The following ZMYND11 variants were observed in gnomAD, a reference collection of about 807,000 sequenced individuals.
ZMYND11 encodes the protein zinc finger MYND-type containing 11.
A neutral mutation model predicts 84.9 loss-of-function variants in ZMYND11; 9 were observed. That is an observed-to-expected ratio of 0.11 (90% confidence interval 0.06 to 0.18). The LOEUF is 0.18. Among genes scored for constraint, ZMYND11 ranks in the 10% least tolerant of loss-of-function variants. ZMYND11 has a pLI of 1.00. For missense variants in ZMYND11, 409 were observed against 761.0 expected (o/e 0.54, Z 5.44); for synonymous variants, 250 against 244.1 (o/e 1.02, Z -0.23).
chr10:225,691 A>T (rs1242149159), intron 4 of ZMYND11, among the ~76,000 whole-genome samples: 1 of 152,156 alleles, frequency 6.6e-6, no homozygotes. Context: ...TAGTTCCCAA[A>T]TTACAAAGTC....
At chr10:175,745 C>G (rs1554766795) in intron 1 of ZMYND11, among the ~76,000 whole-genome samples, 1 of 151,684 alleles carries the variant, frequency 6.6e-6, no homozygotes, top group Admixed American at 6.6e-5. Flanking sequence ...TATGGATAAA[C>G]CTAATATAAA....
intron 1 of ZMYND11, among the ~76,000 whole-genome samples, chr10:153,815 G>C (rs1554757834): frequency 6.6e-6 from 1 of 152,170 alleles, no homozygotes; most frequent in Non-Finnish European, 1.5e-5. Flanking sequence ...TGTAAAACAA[G>C]CCAGTTTCTT....
At chr10:224,301 C>A (rs1460693643) in intron 4 of ZMYND11, among the ~76,000 whole-genome samples, 1 of 152,120 alleles carries the variant, frequency 6.6e-6, no homozygotes, top group Non-Finnish European at 1.5e-5. Context: ...GCATTTTTCT[C>A]AAAAATAATT....
rs767951919 is a variant in ZMYND11, at chr10:236,879, A to G, written c.480A>G (p.Thr160=). The G allele has an allele frequency of 1.2e-5, 19 of 1,613,906 alleles. No homozygotes were observed. In the South Asian group the frequency reaches 1.9e-4, roughly 16 times the overall value. Residue 160 remains threonine (T), a synonymous_variant, in exon 5 of 15, where the codon ACA becomes ACG. Transcript: ENST00000381604. ...ATACAAACAAACAGGAGATGGGCAC[A>G]TACCTCAGATTCATTGTCTCCCGCA... ...KKNTNKQEMG[T]YLRFIVSRMK...
intron 14 of ZMYND11, among the ~76,000 whole-genome samples, chr10:250,490 G>T (rs943779679): frequency 1.3e-5 from 2 of 150,664 alleles, no homozygotes; most frequent in Non-Finnish European, 3.0e-5. Context: ...GCAAGACCCT[G>T]TCTCTTAAAA....
intron 14 of ZMYND11, chr10:249,578 C>G: frequency 1.0e-6 from 1 of 985,052 alleles, no homozygotes; most frequent in Non-Finnish European, 1.2e-6. Flanking sequence ...TCTCTAACTA[C>G]CCTCCCTCAT....
intron 1 of ZMYND11, among the ~76,000 whole-genome samples, chr10:146,666 T>C (rs1006272494): frequency 6.6e-6 from 1 of 152,228 alleles, no homozygotes; most frequent in African/African-American, 2.4e-5. Context: ...AGTTCTTGAT[T>C]TGATTTCTTA....
intron 10 of ZMYND11, among the ~76,000 whole-genome samples, chr10:244,826 G>A (rs1048231892): frequency 3.3e-5 from 5 of 152,180 alleles, no homozygotes; most frequent in African/African-American, 7.2e-5. Flanking sequence ...ATTATCTACA[G>A]TACTGGAGTT....
At position 219,136 on chromosome 10, in the gene ZMYND11, G is replaced by C. The variant is rs1946691564; in HGVS notation, c.277-2059G>C. 3.3e-5 allele frequency among the ~76,000 whole-genome samples: 5 copies of C among 152,066 alleles called. 1 individual carries two copies. In the South Asian group the frequency reaches 1.0e-3, roughly 32 times the overall value. On this transcript the variant is annotated intron_variant, in intron 3 of 14. Coordinates refer to ENST00000381604, the MANE Select transcript of ZMYND11 (RefSeq NM_001370100.5). ...TCTGTAATTGGTTATGAAAAACTAGGTCAAGAATTAAACACCCTATCAAAG... is the reference window on the plus strand; with the variant it reads ...TCTGTAATTGGTTATGAAAAACTAGCTCAAGAATTAAACACCCTATCAAAG...
At chr10:217,544 A>G (rs1946395662) in intron 3 of ZMYND11, among the ~76,000 whole-genome samples, 1 of 152,116 alleles carries the variant, frequency 6.6e-6, no homozygotes, top group Admixed American at 6.5e-5. Flanking sequence ...GTTGTGAAAT[A>G]CAGATGTGAT....
intron 9 of ZMYND11, among the ~76,000 whole-genome samples, chr10:241,535 C>G (rs1367228254): frequency 6.6e-6 from 1 of 152,220 alleles, no homozygotes; most frequent in Non-Finnish European, 1.5e-5. Context: ...CACAAGAGAC[C>G]TAAGGCTTTG....
chr10:244,267 G>T (rs1262589709), intron 10 of ZMYND11, among the ~76,000 whole-genome samples: 1 of 152,144 alleles, frequency 6.6e-6, no homozygotes, highest in Non-Finnish European at 1.5e-5. Flanking sequence ...AGGAGCCACT[G>T]GTTGCAAGTT....
intron 1 of ZMYND11, among the ~76,000 whole-genome samples, chr10:169,599 A>T (rs1053033356): frequency 6.6e-6 from 1 of 152,200 alleles, no homozygotes; most frequent in Non-Finnish European, 1.5e-5. Flanking sequence ...GGAAATTCTA[A>T]GAAGGAATCA....
intron 1 of ZMYND11, among the ~76,000 whole-genome samples, chr10:175,849 G>T (rs955267185): frequency 6.6e-6 from 1 of 152,102 alleles, no homozygotes; most frequent in Admixed American, 6.6e-5. Context: ...AATATTTGAT[G>T]CAAATATTTG....
chr10:142,228 G>A (rs1273264906), intron 1 of ZMYND11, among the ~76,000 whole-genome samples: 2 of 152,130 alleles, frequency 1.3e-5, no homozygotes, highest in East Asian at 3.9e-4. Flanking sequence ...AGCCTCCCCA[G>A]GAGCTAGAAC....
At chr10:190,656 C>T (rs1040722320) in intron 2 of ZMYND11, among the ~76,000 whole-genome samples, 13 of 152,204 alleles carry the variant, frequency 8.5e-5, no homozygotes, top group Non-Finnish European at 1.6e-4. Context: ...AAGCTCTTTA[C>T]AGTGAGACCC....
intron 6 of ZMYND11, among the ~76,000 whole-genome samples, chr10:239,003 G>A (rs1490275283): frequency 1.3e-5 from 2 of 152,128 alleles, no homozygotes; most frequent in Non-Finnish European, 2.9e-5. Flanking sequence ...TATCTTAGTA[G>A]TTATGGTAAA....
At chr10:197,880 C>A in intron 2 of ZMYND11, 1 of 561,602 alleles carries the variant, frequency 1.8e-6, no homozygotes, top group Non-Finnish European at 3.2e-6. Flanking sequence ...AGGAAAGTGA[C>A]TATCAAACTT....
In ZMYND11 at chr10:253,237, T is replaced by C. The variant is rs1953835639; in HGVS notation, c.*767T>C. 1.3e-5 allele frequency: 2 copies of C among 152,572 alleles called. No homozygotes were observed. Among genetic ancestry groups the C allele is most frequent in the African/African-American group, 4.8e-5 (2 of 41,440 alleles). The allele number at this position is 152,572 out of a possible 1,614,324, so 9.5% of individuals were successfully genotyped here. On this transcript the variant is annotated 3_prime_UTR_variant, in exon 15 of 15. Coordinates refer to ENST00000381604, the MANE Select transcript of ZMYND11 (RefSeq NM_001370100.5). ...CCTAACATGAGTGCTTGTAACAAAATAAACAACAAAAACAAAGCCAAAAAC... is the reference window on the plus strand; with the variant it reads ...CCTAACATGAGTGCTTGTAACAAAACAAACAACAAAAACAAAGCCAAAAAC...
Sources: gnomAD v4.1 joint callset for allele counts (sites outside exome capture counted in the v4.1 genomes callset) on GRCh38, gnomAD v4.1.1 for gene constraint, MANE v1.5 for transcripts, NCBI Gene and HGNC (gene_info 2026-07-23, HGNC 2026-07-21) for gene names.